Variants in TNRC6C observed in about 807,000 individuals in gnomAD.
TNRC6C encodes trinucleotide repeat-containing gene 6C protein.
TNRC6C carries 20 observed loss-of-function variants against 153.7 expected under a neutral mutation model. The observed-to-expected ratio is 0.13, with a 90% CI of 0.09 to 0.19. TNRC6C has a LOEUF of 0.19. Among genes scored for constraint, TNRC6C ranks in the 10% least tolerant of loss-of-function variants. TNRC6C has a pLI of 1.00. For missense variants in TNRC6C, 1,987 were observed against 2,172.0 expected (o/e 0.91, Z 1.69); for synonymous variants, 811 against 841.4 (o/e 0.96, Z 0.63).
At chr17:78,051,411 C>G in exon 3 of TNRC6C, 2 of 1,545,796 alleles carry the variant, frequency 1.3e-6, no homozygotes, top group Non-Finnish European at 8.7e-7. Flanking sequence ...CGCACCAGGC[C>G]GGTACTCAGC....
intron 1 of TNRC6C, among the ~76,000 whole-genome samples, chr17:77,976,062 G>T (rs2070993194): frequency 6.6e-6 from 1 of 152,242 alleles, no homozygotes; most frequent in African/African-American, 2.4e-5. Context: ...TAGAAGAAAT[G>T]AATAATAATA....
exon 20 of TNRC6C, chr17:78,107,115 A>G (rs954723413): frequency 3.3e-5 from 5 of 152,226 alleles, no homozygotes; most frequent in African/African-American, 1.2e-4. Context: ...GCGTGTGAGC[A>G]TGCGTGTGCG....
chr17:78,000,353 C>A (rs542355657), upstream of TNRC6C, among the ~76,000 whole-genome samples: 2 of 152,166 alleles, frequency 1.3e-5, no homozygotes, highest in Non-Finnish European at 2.9e-5. Flanking sequence ...TTTGTCTTAT[C>A]CTTCTCATAC....
At chr17:78,080,788 G>C (rs770154280) in intron 10 of TNRC6C, among the ~76,000 whole-genome samples, 93 of 152,112 alleles carry the variant, frequency 6.1e-4, no homozygotes, top group Non-Finnish European at 3.5e-4. Context: ...CATTCTAGCA[G>C]AGAGGGAAAA....
At chr17:78,102,372 C>A in intron 17 of TNRC6C, 102 bp from the exon 21 acceptor site, 1 of 1,071,290 alleles carries the variant, frequency 9.3e-7, no homozygotes, top group Non-Finnish European at 1.3e-6. Flanking sequence ...CACGCAGTGA[C>A]GGCCTGTGCT....
intron 3 of TNRC6C, among the ~76,000 whole-genome samples, chr17:78,056,493 T>C (rs545108376): frequency 1.9e-4 from 29 of 150,812 alleles, no homozygotes; most frequent in African/African-American, 7.1e-4. Context: ...AGACAGAGTC[T>C]TGCTCTGTTG....
At chr17:77,963,719 A>G (rs1471954218) in intron 1 of TNRC6C, among the ~76,000 whole-genome samples, 3 of 152,210 alleles carry the variant, frequency 2.0e-5, no homozygotes, top group Non-Finnish European at 4.4e-5. Flanking sequence ...AACAGAAGTA[A>G]TGGTCTTGGG....
At chr17:78,084,911 C>T (rs1347659207) in intron 11 of TNRC6C, among the ~76,000 whole-genome samples, 2 of 152,168 alleles carry the variant, frequency 1.3e-5, no homozygotes, top group African/African-American at 2.4e-5. Flanking sequence ...GGATTACAGG[C>T]GTGAGCCACT....
intron 1 of TNRC6C, among the ~76,000 whole-genome samples, chr17:78,027,669 A>G (rs2071968783): frequency 6.6e-6 from 1 of 152,078 alleles, no homozygotes; most frequent in Non-Finnish European, 1.5e-5. Flanking sequence ...TGCCTCTCTG[A>G]CCCCATTGAT....
At position 77,985,601 on chromosome 17, in the gene TNRC6C, C is replaced by CAAAAAAAAAAAAAAAAAAA. The variant is rs1229331703; in HGVS notation, c.-37-18554_-37-18553insAAAAAAAAAAAAAAAAAAA. On this transcript the variant is annotated intron_variant, in intron 1 of 22. Transcript: ENST00000636222. ...TGGGCAACAGAGCGAGACTCCGTCT[C>CAAAAAAAAAAAAAAAAAAA]AAAAAAAAAAAAAAACCAGCAACTG... Among the ~76,000 whole-genome samples, 272 of 96,088 alleles carry CAAAAAAAAAAAAAAAAAAA rather than the reference C, an allele frequency of 2.8e-3. 2 individuals carry two copies. Among genetic ancestry groups the CAAAAAAAAAAAAAAAAAAA allele is most frequent in the African/African-American group, 0.011 (251 of 23,674 alleles). The allele number at this position is 96,088 out of a possible 152,430, so 63.0% of individuals were successfully genotyped here. A position where few individuals can be genotyped will look rare whatever the true frequency, so the allele number is the denominator to read the frequency against.
intron 5 of TNRC6C, among the ~76,000 whole-genome samples, chr17:78,069,205 G>T (rs2072941786): frequency 6.7e-6 from 1 of 149,372 alleles, no homozygotes; most frequent in Non-Finnish European, 1.5e-5. Flanking sequence ...CCTAGAAACT[G>T]ATTTAAAAAA....
At chr17:77,957,651 G>C (rs2070818086), upstream of TNRC6C, among the ~76,000 whole-genome samples, 1 of 152,242 alleles carries the variant, frequency 6.6e-6, no homozygotes, top group African/African-American at 2.4e-5. Context: ...TCCACTGAAC[G>C]ATGGGGGAAA....
chr17:78,014,166 T>C (rs1255227881), intron 1 of TNRC6C, among the ~76,000 whole-genome samples: 1 of 152,184 alleles, frequency 6.6e-6, no homozygotes, highest in African/African-American at 2.4e-5. Context: ...TCTTCTGTGT[T>C]TCATGAGATT....
chr17:78,092,496 G>A (rs1212456004), intron 14 of TNRC6C, among the ~76,000 whole-genome samples: 1 of 152,194 alleles, frequency 6.6e-6, no homozygotes, highest in East Asian at 1.9e-4. Flanking sequence ...CCCATGGTAT[G>A]GATATGTATT....
Position 78,067,737 on chromosome 17 carries a change from C to A in TNRC6C, c.2612-20C>A. The A allele has an allele frequency of 1.3e-6, 2 of 1,591,770 alleles. No homozygotes were observed. The highest frequency in any genetic ancestry group is 1.7e-6 in the Non-Finnish European group (2 of 1,171,406). On this transcript the variant is annotated intron_variant, in intron 4 of 19. Coordinates refer to ENST00000301624, the Ensembl canonical transcript of TNRC6C. ...GTTAGGGACATGAATTTGATAAGTT[C>A]ATGTTTGCTCTGTTTCTAGCTTCAA... is the stretch of plus-strand genomic sequence containing the variant.
At chr17:78,043,762 C>T (rs186151936) in intron 2 of TNRC6C, among the ~76,000 whole-genome samples, 250 of 152,198 alleles carry the variant, frequency 1.6e-3, no homozygotes, top group African/African-American at 5.7e-3. Flanking sequence ...CCTCTATCTT[C>T]ATAAGTTCAA....
At chr17:78,004,940 T>C (rs1395293770), upstream of TNRC6C, 3 of 789,970 alleles carry the variant, frequency 3.8e-6, no homozygotes, top group African/African-American at 3.6e-5. Context: ...GGGCAAAAAC[T>C]CATTTTTAAA....
chr17:77,961,668 A>T (rs1227736527), intron 1 of TNRC6C, among the ~76,000 whole-genome samples: 1 of 152,166 alleles, frequency 6.6e-6, no homozygotes, highest in African/African-American at 2.4e-5. Context: ...TAACACTAAC[A>T]TCATTTCGAA....
At chr17:78,094,632 G>T (rs974115709) in intron 16 of TNRC6C, among the ~76,000 whole-genome samples, 1 of 151,998 alleles carries the variant, frequency 6.6e-6, no homozygotes, top group Non-Finnish European at 1.5e-5. Context: ...TAGAGATGGG[G>T]TTTCACCATG....
Sources: allele counts gnomAD v4.1 joint callset (sites outside exome capture counted in the v4.1 genomes callset), GRCh38; gene constraint gnomAD v4.1.1; transcripts MANE v1.5; gene names NCBI Gene and HGNC (gene_info 2026-07-23, HGNC 2026-07-21).